The following ZNF682 variants were observed in gnomAD, a reference collection of about 807,000 sequenced individuals.
The protein encoded by ZNF682 is zinc finger protein 682.
ZNF682 carries 29 observed loss-of-function variants against 36.5 expected under a neutral mutation model. That is an observed-to-expected ratio of 0.80 (90% CI 0.59 to 1.08). The LOEUF is 1.08. ZNF682 is among the 50% of genes least tolerant of loss of function. ZNF682 has a pLI of 0.00. For missense variants in ZNF682, 561 were observed against 579.7 expected (o/e 0.97, Z 0.33); for synonymous variants, 180 against 197.0 (o/e 0.91, Z 0.72).
chr19:19,995,570 T>C (rs2088124946), downstream of ZNF682, among the ~76,000 whole-genome samples: 1 of 152,176 alleles, frequency 6.6e-6, no homozygotes, highest in Non-Finnish European at 1.5e-5. Context: ...CAGCGCGGGA[T>C]GAATGCCTCA....
At chr19:20,023,241 G>A (rs75242841) in intron 2 of ZNF682, 142 bp from the exon 3 acceptor site, 8,966 of 668,940 alleles carry the variant, frequency 0.013, 98 homozygotes, top group Middle Eastern at 0.033. Flanking sequence ...GCTCATACCT[G>A]TAATCCCAAC....
intron 3 of ZNF682, among the ~76,000 whole-genome samples, chr19:20,011,456 T>G (rs766800460): frequency 2.7e-4 from 41 of 152,212 alleles, no homozygotes; most frequent in Non-Finnish European, 5.1e-4. Flanking sequence ...AACTCAGCAC[T>G]TGACCATAGA....
chr19:20,008,018 A>G (rs2088244354), intron 3 of ZNF682: 1 of 152,408 alleles, frequency 6.6e-6, no homozygotes, highest in South Asian at 2.1e-4. Flanking sequence ...TGCCCACAGC[A>G]TGGCATCCAC....
intron 1 of ZNF682, among the ~76,000 whole-genome samples, chr19:20,028,477 G>A (rs766689594): frequency 3.9e-5 from 6 of 152,106 alleles, no homozygotes; most frequent in Non-Finnish European, 8.8e-5. Flanking sequence ...CTCCCAAAGT[G>A]CTGGGATTAC....
chr19:20,001,782 C>T (rs2088169540), downstream of ZNF682, among the ~76,000 whole-genome samples: 1 of 152,182 alleles, frequency 6.6e-6, no homozygotes, highest in Admixed American at 6.5e-5. Flanking sequence ...GTGCTTCTGT[C>T]TTTACTACCT....
At chr19:20,036,475 G>A (rs1323044782) in intron 1 of ZNF682, among the ~76,000 whole-genome samples, 3 of 151,744 alleles carry the variant, frequency 2.0e-5, no homozygotes, top group Non-Finnish European at 4.4e-5. Flanking sequence ...GTGTGGTGAC[G>A]GGCACCTGTA....
chr19:20,033,740 G>C (rs1288420583), intron 1 of ZNF682: 2 of 152,324 alleles, frequency 1.3e-5, no homozygotes, highest in Non-Finnish European at 2.9e-5. Flanking sequence ...TTTTAGTAGA[G>C]ACAGGGTTTT....
chr19:20,015,115 G>T (rs376010107), intron 3 of ZNF682: 1 of 764,574 alleles, frequency 1.3e-6, no homozygotes, highest in Non-Finnish European at 1.6e-6. Context: ...TATGTATTTT[G>T]CACAATTAAA....
At chr19:20,033,908 C>T (rs1032757777) in intron 1 of ZNF682, 2 of 154,276 alleles carry the variant, frequency 1.3e-5, no homozygotes, top group African/African-American at 2.4e-5. Flanking sequence ...TACTGGATGC[C>T]CAGCAAGAAG....
chr19:20,002,404 C>T (rs1296288508), downstream of ZNF682, among the ~76,000 whole-genome samples: 1 of 152,170 alleles, frequency 6.6e-6, no homozygotes, highest in Non-Finnish European at 1.5e-5. Flanking sequence ...TAACAGAGGT[C>T]CCTGGGTGCT....
chr19:19,996,764 C>T (rs1307809642), downstream of ZNF682, among the ~76,000 whole-genome samples: 1 of 152,078 alleles, frequency 6.6e-6, no homozygotes, highest in Non-Finnish European at 1.5e-5. Flanking sequence ...TCAGAAACCA[C>T]CACTAAAGAA....
At chr19:19,997,462 T>C (rs866604890) in intron 3 of ZNF682, among the ~76,000 whole-genome samples, 20 of 152,264 alleles carry the variant, frequency 1.3e-4, no homozygotes, top group Non-Finnish European at 8.8e-5. Flanking sequence ...ATGCTTCTAC[T>C]CCCTGGAAGT....
chr19:20,007,012 T>A lies in ZNF682; in HGVS notation c.490A>T (p.Asn164Tyr), dbSNP rs1392723981. Residue 164 changes from asparagine to tyrosine, a missense_variant, in exon 4 of 4, where the codon AAC becomes TAC. Asn to Tyr is a moderately radical substitution (Grantham distance 143). Coordinates refer to ENST00000397165, the MANE Select transcript of ZNF682 (RefSeq NM_033196.3). ...FSKSSNLNRE[N>Y]IRHTTEKLFK... ...AGTTTCTCTGTAGTATGTCTTATGT[T>A]TTCTCTATTTAGATTTGATGATTTA... is the stretch of plus-strand genomic sequence containing the variant. 6.2e-7 allele frequency: 1 copy of A among 1,613,262 alleles called. No individual in the cohort carries two copies. The highest frequency in any genetic ancestry group is 1.7e-5 in the Admixed American group (1 of 59,968).
chr19:20,027,218 C>T (rs79192322), intron 1 of ZNF682, among the ~76,000 whole-genome samples: 6,080 of 152,290 alleles, frequency 0.04, 300 homozygotes, highest in East Asian at 0.2. Flanking sequence ...ACCGCACCCA[C>T]AGGCAGATGT....
chr19:20,013,005 C>A (rs1298821252), intron 3 of ZNF682, among the ~76,000 whole-genome samples: 3 of 151,954 alleles, frequency 2.0e-5, no homozygotes, highest in Non-Finnish European at 4.4e-5. Context: ...ATGGAATAAA[C>A]TTCCCAATCG....
chr19:20,028,213 G>GTTTGTTTGTTT (rs2088448716), intron 1 of ZNF682, among the ~76,000 whole-genome samples: 1 of 151,398 alleles, frequency 6.6e-6, no homozygotes, highest in African/African-American at 2.4e-5. Context: ...TGATTCTGCA[G>GTTTGTTTGTTT]GTTTGTTTGT....
rs372335818 is a variant in ZNF682, at chr19:20,018,059, T to C, written c.226+4945A>G. On this transcript the variant is annotated intron_variant, in intron 3 of 3. Transcript: ENST00000397165. ...TTTATTTTTTTTTTTTGCAGAAATA[T>C]AGTTAAGATTCTCAAATTCTTTTTT... Among the ~76,000 whole-genome samples the C allele has an allele frequency of 3.4e-4, 48 of 141,804 alleles. No homozygotes were observed. In the East Asian group the frequency reaches 5.9e-3, roughly 17 times the overall value. The allele number at this position is 141,804 out of a possible 152,430, so 93.0% of individuals were successfully genotyped here.
downstream of ZNF682, among the ~76,000 whole-genome samples, chr19:20,003,025 C>T (rs2088179794): frequency 6.6e-6 from 1 of 151,208 alleles, no homozygotes; most frequent in African/African-American, 2.4e-5. Flanking sequence ...CCCGTCTCTA[C>T]TAAAAATACA....
intron 3 of ZNF682, among the ~76,000 whole-genome samples, chr19:20,021,883 A>G (rs1383127064): frequency 1.3e-5 from 2 of 152,188 alleles, no homozygotes; most frequent in Non-Finnish European, 2.9e-5. Flanking sequence ...TGAAAATTCC[A>G]TAAGGGGCTG....
Sources: allele counts gnomAD v4.1 joint callset (sites outside exome capture counted in the v4.1 genomes callset), GRCh38; gene constraint gnomAD v4.1.1; transcripts MANE v1.5; gene names NCBI Gene and HGNC (gene_info 2026-07-23, HGNC 2026-07-21).